VAMP7: variants seen among roughly 807,000 people sequenced by gnomAD.
VAMP7 encodes the protein vesicle associated membrane protein 7.
VAMP7 carries 14 observed loss-of-function variants against 29.6 expected under a neutral mutation model. That is an observed-to-expected ratio of 0.47 (90% CI 0.31 to 0.74). The LOEUF is 0.74. VAMP7 is among the 30% of genes least tolerant of loss of function. The pLI, the probability that VAMP7 is intolerant of heterozygous loss-of-function variation, is 0.05. For synonymous variants in VAMP7, 95 were observed against 88.1 expected (o/e 1.08, Z -0.44); for missense variants, 223 against 262.4 (o/e 0.85, Z 1.04).
chrX:155,918,365 C>A lies in VAMP7; in HGVS notation c.434-1448C>A, dbSNP rs761542875. Among the ~76,000 whole-genome samples, 986 of 152,070 alleles carry A rather than the reference C, an allele frequency of 6.5e-3. 3 individuals carry two copies. Among genetic ancestry groups the A allele is most frequent in the Non-Finnish European group, 8.5e-3 (576 of 67,968 alleles). On this transcript the variant is annotated intron_variant, in intron 5 of 7. Coordinates refer to ENST00000286448, the MANE Select transcript of VAMP7 (RefSeq NM_005638.6). ...GCGCCACTGGGGTATGAAAAAAAAA[C>A]TCCTGCAGCTAGCTCGGTGTCTGCC...
Position 155,889,451 on chromosome X carries a change from T to C in VAMP7, c.-9-7T>C. 6.2e-7 allele frequency: 1 copy of C among 1,611,080 alleles called. No individual in the cohort carries two copies. The highest frequency in any genetic ancestry group is 8.5e-7 in the Non-Finnish European group (1 of 1,178,832). ...ATTCTAAATCTGTGTCTTTTTCCTT[T>C]TGATAGACTGAAGCCATGGCGATTC... On this transcript the variant is annotated splice_polypyrimidine_tract_variant and splice_region_variant and intron_variant, in intron 1 of 7. Coordinates refer to ENST00000286448, the MANE Select transcript of VAMP7 (RefSeq NM_005638.6).
intron 5 of VAMP7, among the ~76,000 whole-genome samples, chrX:155,909,032 G>A (rs1382728998): frequency 6.6e-6 from 1 of 152,036 alleles, no homozygotes; most frequent in Non-Finnish European, 1.5e-5. Flanking sequence ...TTGCCATGTT[G>A]CCCAGGCTAG....
chrX:155,903,657 T>A (rs1159438635), intron 5 of VAMP7, among the ~76,000 whole-genome samples: 2 of 152,174 alleles, frequency 1.3e-5, no homozygotes, highest in South Asian at 2.1e-4. Flanking sequence ...CACAATGTGA[T>A]ACCATCTCAC....
intron 6 of VAMP7, among the ~76,000 whole-genome samples, chrX:155,934,924 T>G (rs1287181980): frequency 2.0e-5 from 3 of 152,128 alleles, no homozygotes; most frequent in African/African-American, 7.2e-5. Context: ...AGCATTTGCT[T>G]GTCTGTAAAG....
At chrX:155,938,746 G>A (rs975513371) in intron 6 of VAMP7, among the ~76,000 whole-genome samples, 43 of 152,108 alleles carry the variant, frequency 2.8e-4, no homozygotes, top group African/African-American at 9.9e-4. Flanking sequence ...AGCCCAGGAG[G>A]TCAAAGCTGC....
intron 5 of VAMP7, among the ~76,000 whole-genome samples, chrX:155,906,383 G>A (rs2124299497): frequency 6.6e-6 from 1 of 152,074 alleles, no homozygotes; most frequent in East Asian, 1.9e-4. Context: ...CTGTTCATTG[G>A]CCACAAATCC....
chrX:155,916,021 T>A (rs1248876221), intron 5 of VAMP7, among the ~76,000 whole-genome samples: 1 of 152,206 alleles, frequency 6.6e-6, no homozygotes, highest in African/African-American at 2.4e-5. Flanking sequence ...AGAACTTGCT[T>A]TATGAATCTG....
intron 6 of VAMP7, among the ~76,000 whole-genome samples, chrX:155,924,399 T>C (rs181345700): frequency 1.8e-4 from 27 of 152,222 alleles, no homozygotes; most frequent in Admixed American, 1.4e-3. Context: ...TCCAAAACTT[T>C]TTTATCACCC....
At chrX:155,933,970 T>TC (rs1366904315) in intron 6 of VAMP7, among the ~76,000 whole-genome samples, 1 of 152,220 alleles carries the variant, frequency 6.6e-6, no homozygotes, top group Admixed American at 6.5e-5. Context: ...CAGTAGTCAT[T>TC]CAGGAGCAGG....
At position 155,909,936 on chromosome X, in the gene VAMP7, G is replaced by A. The variant is rs756333867; in HGVS notation, c.433+9349G>A. Among the ~76,000 whole-genome samples, 5 of 152,258 alleles carry A rather than the reference G, an allele frequency of 3.3e-5. No homozygotes were observed. The South Asian group carries it at 1.0e-3, about 32-fold the overall frequency. On this transcript the variant is annotated intron_variant, in intron 5 of 7. Coordinates refer to ENST00000286448, the MANE Select transcript of VAMP7 (RefSeq NM_005638.6). ...TCCATCAGCTCAAGAATTTATTTCT[G>A]TGTGATGGGAACATTTCAAATTCTC...
intron 2 of VAMP7, 42 bp downstream of exon 2, chrX:155,889,654 A>G: frequency 6.2e-7 from 1 of 1,609,160 alleles, no homozygotes; most frequent in East Asian, 2.2e-5. Context: ...AAAGAAGGGA[A>G]TTCTGTTACT....
chrX:155,918,350 G>A (rs1271485511), intron 5 of VAMP7, among the ~76,000 whole-genome samples: 1 of 151,878 alleles, frequency 6.6e-6, no homozygotes, highest in African/African-American at 2.4e-5. Flanking sequence ...GCGCCACTGG[G>A]GTATGAAAAA....
In VAMP7 at chrX:155,942,076, T is replaced by G. The variant is rs754223645; in HGVS notation, c.*125T>G. On this transcript the variant is annotated 3_prime_UTR_variant, in exon 8 of 8. Coordinates refer to ENST00000286448, the MANE Select transcript of VAMP7 (RefSeq NM_005638.6). ...CAGTCTCTTCAACCCTCTTCTCACT[T>G]TTTAAAATCTTGTTCCATGCCTCCA... The G allele has an allele frequency of 3.2e-6, 5 of 1,572,516 alleles. No homozygotes were observed. In the Admixed American group the frequency reaches 9.3e-5, roughly 29 times the overall value.
At chrX:155,890,167 T>C (rs777261174) in intron 2 of VAMP7, among the ~76,000 whole-genome samples, 1 of 151,928 alleles carries the variant, frequency 6.6e-6, no homozygotes, top group Admixed American at 6.6e-5. Flanking sequence ...GGCGGGCATA[T>C]TTAGGGAACT....
intron 5 of VAMP7, among the ~76,000 whole-genome samples, chrX:155,903,051 GTTA>G (rs2066090735): frequency 6.6e-6 from 1 of 151,930 alleles, no homozygotes; most frequent in South Asian, 2.1e-4. Flanking sequence ...TTCAGAGCCT[GTTA>G]TTGGTCTATT....
At chrX:155,899,307 G>C (rs1303904959) in intron 4 of VAMP7, among the ~76,000 whole-genome samples, 1 of 151,756 alleles carries the variant, frequency 6.6e-6, no homozygotes, top group African/African-American at 2.4e-5. Flanking sequence ...GTGGTCTTAA[G>C]TTTTGCCATT....
chrX:155,942,668 T>G lies in VAMP7; in HGVS notation c.*717T>G, dbSNP rs768522723. 6.5e-6 allele frequency: 1 copy of G among 154,136 alleles called. No homozygotes were observed. Among genetic ancestry groups the G allele is most frequent in the South Asian group, 2.0e-4 (1 of 4,938 alleles). The allele number at this position is 154,136 out of a possible 1,614,324, so 9.5% of individuals were successfully genotyped here. On this transcript the variant is annotated 3_prime_UTR_variant, in exon 8 of 8. Coordinates refer to ENST00000286448, the MANE Select transcript of VAMP7 (RefSeq NM_005638.6). ...GCAGTTGATTTGAGAAGATGAAGGT[T>G]TAAATATTGTTGAAAGTTGCAGTTT...
At chrX:155,937,627 G>T (rs2066681139) in intron 6 of VAMP7, among the ~76,000 whole-genome samples, 2 of 152,112 alleles carry the variant, frequency 1.3e-5, no homozygotes, top group South Asian at 2.1e-4. Context: ...GTTACTAAAA[G>T]TGTAACATTT....
intron 6 of VAMP7, among the ~76,000 whole-genome samples, chrX:155,936,323 T>G (rs990126232): frequency 6.3e-4 from 96 of 152,194 alleles, no homozygotes; most frequent in Non-Finnish European, 1.3e-3. Context: ...CAGGCAGGCC[T>G]CCTTGAGCTG....
Sources: gnomAD v4.1 joint callset for allele counts (sites outside exome capture counted in the v4.1 genomes callset) on GRCh38, gnomAD v4.1.1 for gene constraint, MANE v1.5 for transcripts, NCBI Gene and HGNC (gene_info 2026-07-23, HGNC 2026-07-21) for gene names.